The following NUP205 variants were observed in gnomAD, a reference collection of about 807,000 sequenced individuals.
NUP205 encodes nucleoporin 205.
In NUP205, 76 loss-of-function variants were observed where a neutral mutation model predicts 253.8. That is an observed-to-expected ratio of 0.30 (90% CI 0.25 to 0.36). The LOEUF (loss-of-function observed/expected upper bound fraction) is 0.36. NUP205 is among the 10% of genes least tolerant of loss of function. NUP205 has a pLI of 1.00. For missense variants in NUP205, 2,162 were observed against 2,425.5 expected (o/e 0.89, Z 2.28); for synonymous variants, 832 against 850.1 (o/e 0.98, Z 0.37).
intron 30 of NUP205, 36 bp from the exon 31 acceptor site, chr7:135,622,741 T>C (rs73725199): frequency 0.036 from 57,520 of 1,604,904 alleles, 1,200 homozygotes; most frequent in Middle Eastern, 0.076. Context: ...ACACTGCTTT[T>C]TACTGGAGTG....
chr7:135,568,070 C>G (rs1805835615), intron 1 of NUP205, among the ~76,000 whole-genome samples: 1 of 151,952 alleles, frequency 6.6e-6, no homozygotes, highest in African/African-American at 2.4e-5. Context: ...AATAAAAATA[C>G]AAAAATTAGA....
intron 2 of NUP205, 93 bp from the exon 3 acceptor site, chr7:135,573,561 C>A: frequency 1.2e-6 from 1 of 823,360 alleles, no homozygotes; most frequent in Non-Finnish European, 1.9e-6. Flanking sequence ...TGTTACCAGG[C>A]TGAATTATCA....
chr7:135,566,675 A>G (rs1347994326), intron 1 of NUP205, among the ~76,000 whole-genome samples: 3 of 152,120 alleles, frequency 2.0e-5, no homozygotes, highest in Middle Eastern at 3.2e-3. Flanking sequence ...ATGTACTCTC[A>G]TAGCCCGTTG....
chr7:135,617,693 T>C lies in NUP205; in HGVS notation c.3771+11T>C, dbSNP rs745984391. On this transcript the variant is annotated intron_variant, in intron 27 of 42. Transcript: ENST00000285968. ...CCTCTACTAATGGAGGTAAGCTCTA[T>C]TGAGTATGTGTTCGTTTCAAACTTC... The C allele has an allele frequency of 1.3e-6, 2 of 1,563,292 alleles. No homozygotes were observed. The highest frequency in any genetic ancestry group is 2.2e-5 in the East Asian group (1 of 44,556).
intron 14 of NUP205, 29 bp downstream of exon 14, chr7:135,597,447 A>C (rs911704201): frequency 7.2e-7 from 1 of 1,396,614 alleles, no homozygotes. Context: ...TTTAAATGTT[A>C]ATTCATTCAT....
chr7:135,648,378 C>A, intron 42 of NUP205, 26 bp from the exon 43 acceptor site: 1 of 1,513,114 alleles, frequency 6.6e-7, no homozygotes, highest in Non-Finnish European at 8.8e-7. Context: ...ACAATTTTAA[C>A]AAAATGTCTT....
At chr7:135,560,776 C>A (rs1245026802) in intron 1 of NUP205, among the ~76,000 whole-genome samples, 10 of 152,088 alleles carry the variant, frequency 6.6e-5, no homozygotes, top group Admixed American at 4.6e-4. Context: ...CTGAAGTAGT[C>A]ATACTCATAG....
Position 135,642,873 on chromosome 7 carries a change from T to TGC in NUP205, c.5393-318_5393-317insCG, listed in dbSNP as rs1356878878. On this transcript the variant is annotated intron_variant, in intron 38 of 42. Transcript: ENST00000285968. ...GTGTGTGTGTGTGTGTGTGTGTGTG[T>TGC]GTGTGTGTAAGGTTTATACTTTGAT... is the stretch of plus-strand genomic sequence containing the variant. 2.1e-5 allele frequency among the ~76,000 whole-genome samples: 3 copies of TGC among 140,908 alleles called. No individual in the cohort carries two copies. The East Asian group carries it at 6.6e-4, about 31-fold the overall frequency. The allele number at this position is 140,908 out of a possible 152,430, so 92.4% of individuals were successfully genotyped here. A position where few individuals can be genotyped will look rare whatever the true frequency, so the allele number is the denominator to read the frequency against.
intron 1 of NUP205, among the ~76,000 whole-genome samples, chr7:135,558,767 A>G (rs1210708632): frequency 6.6e-6 from 1 of 152,332 alleles, no homozygotes; most frequent in East Asian, 1.9e-4. Flanking sequence ...CAGTCCGGAA[A>G]AATAATTTGG....
intron 7 of NUP205, among the ~76,000 whole-genome samples, chr7:135,581,760 G>A (rs964637224): frequency 8.6e-5 from 13 of 151,534 alleles, no homozygotes; most frequent in African/African-American, 3.2e-4. Flanking sequence ...GACTGAGGCA[G>A]GAGAATTGCT....
chr7:135,616,957 A>G (rs1794374496), intron 25 of NUP205, 133 bp from the exon 26 acceptor site: 1 of 682,982 alleles, frequency 1.5e-6, no homozygotes, highest in Non-Finnish European at 2.4e-6. Context: ...AGATTCCAAT[A>G]CAGTTTTCAG....
chr7:135,605,466 C>T (rs746903106), intron 19 of NUP205, among the ~76,000 whole-genome samples: 3 of 152,196 alleles, frequency 2.0e-5, no homozygotes, highest in Non-Finnish European at 4.4e-5. Context: ...CACTATCTGT[C>T]AGTAGTAACT....
At chr7:135,625,078 C>A in intron 31 of NUP205, 86 bp from the exon 32 acceptor site, 1 of 1,014,920 alleles carries the variant, frequency 9.9e-7, no homozygotes, top group Non-Finnish European at 1.5e-6. Context: ...CTTCATATTT[C>A]ATATCTGATG....
chr7:135,625,481 A>G (rs1033002668), intron 32 of NUP205, 126 bp downstream of exon 32: 20 of 733,288 alleles, frequency 2.7e-5, no homozygotes, highest in Admixed American at 1.4e-4. Context: ...TCCTTTTTTA[A>G]GGAGTTTTAA....
intron 6 of NUP205, 49 bp from the exon 7 acceptor site, chr7:135,578,702 T>G: frequency 1.3e-4 from 175 of 1,357,514 alleles, no homozygotes; most frequent in Middle Eastern, 1.9e-4. Flanking sequence ...GTATCAGAAG[T>G]GAGAATTTAT....
intron 10 of NUP205, among the ~76,000 whole-genome samples, chr7:135,589,086 G>A (rs1262830704): frequency 6.7e-6 from 1 of 150,306 alleles, no homozygotes; most frequent in East Asian, 1.9e-4. Context: ...AAGAGGACAC[G>A]TTGAGCCCCG....
At position 135,603,136 on chromosome 7, in the gene NUP205, G is replaced by A. The variant is rs1447418355; in HGVS notation, c.2702+142G>A. ...ACTTTTTTTTTTTTTTTTTTTTTGA[G>A]ATGGAGTCTCGCTCTGTCGTCCAGG... is the stretch of plus-strand genomic sequence containing the variant. On this transcript the variant is annotated intron_variant, in intron 18 of 42. Coordinates refer to ENST00000285968, the MANE Select transcript of NUP205 (RefSeq NM_015135.3). 11 of 520,950 alleles carry A rather than the reference G, an allele frequency of 2.1e-5. No homozygotes were observed. The Admixed American group carries it at 3.9e-4, about 18-fold the overall frequency. 32.3% of individuals were successfully genotyped at this position (520,950 alleles called of 1,614,324 possible). A position where few individuals can be genotyped will look rare whatever the true frequency, so the allele number is the denominator to read the frequency against.
intron 30 of NUP205, among the ~76,000 whole-genome samples, chr7:135,621,888 C>T (rs1241299532): frequency 1.3e-5 from 2 of 151,980 alleles, no homozygotes; most frequent in African/African-American, 2.4e-5. Context: ...CTGCAACCTC[C>T]ACCTCCTGGG....
At chr7:135,570,046 T>TAGAGAGAGAG (rs1343013772) in intron 1 of NUP205, among the ~76,000 whole-genome samples, 1 of 102,386 alleles carries the variant, frequency 9.8e-6, no homozygotes, top group African/African-American at 3.3e-5. Flanking sequence ...TATATATATA[T>TAGAGAGAGAG]ATATATAGAG....
Sources: gnomAD v4.1 joint callset for allele counts (sites outside exome capture counted in the v4.1 genomes callset) on GRCh38, gnomAD v4.1.1 for gene constraint, MANE v1.5 for transcripts, NCBI Gene and HGNC (gene_info 2026-07-23, HGNC 2026-07-21) for gene names.